DCAF6: variants seen among roughly 807,000 people sequenced by gnomAD.
DCAF6 encodes the protein DDB1 and CUL4 associated factor 6.
DCAF6 carries 54 observed loss-of-function variants against 125.1 expected under a neutral mutation model. The observed-to-expected ratio is 0.43, with a 90% CI of 0.35 to 0.54. DCAF6 has a LOEUF of 0.54. DCAF6 is among the 20% of genes least tolerant of loss of function. The pLI is 0.01. For synonymous variants in DCAF6, 371 were observed against 390.4 expected (o/e 0.95, Z 0.58); for missense variants, 934 against 1,161.7 (o/e 0.80, Z 2.85).
chr1:167,922,056 G>GC, the DCAF6 span, among the ~76,000 whole-genome samples: 1 of 152,112 alleles, frequency 6.6e-6, no homozygotes, highest in Admixed American at 6.5e-5. Flanking sequence ...GCTTGCAGAA[G>GC]CAACTGTTAT....
intron 7 of DCAF6, among the ~76,000 whole-genome samples, chr1:167,994,098 C>T (rs960901041): frequency 2.0e-5 from 3 of 151,562 alleles, no homozygotes; most frequent in South Asian, 2.1e-4. Flanking sequence ...TAATTACTAG[C>T]GTCTATTCTT....
At chr1:167,893,897 C>G in the DCAF6 span, 7 of 1,613,574 alleles carry the variant, frequency 4.3e-6, no homozygotes, top group Non-Finnish European at 5.9e-6. Flanking sequence ...AGGGACATCT[C>G]CAGTTCAGGA....
the DCAF6 span, chr1:167,870,148 T>A: frequency 8.3e-7 from 1 of 1,210,884 alleles, no homozygotes; most frequent in Non-Finnish European, 1.2e-6. Flanking sequence ...CATCCAATAA[T>A]TGTAGGTTAT....
chr1:167,992,390 G>A (rs1680979677), intron 6 of DCAF6, among the ~76,000 whole-genome samples: 1 of 152,100 alleles, frequency 6.6e-6, no homozygotes, highest in Non-Finnish European at 1.5e-5. Context: ...AGATTATTGA[G>A]ATGGGAATAC....
At chr1:167,919,894 C>T in the DCAF6 span, 17 of 839,424 alleles carry the variant, frequency 2.0e-5, no homozygotes, top group African/African-American at 1.0e-4. Flanking sequence ...GGCAACAGAG[C>T]GAGACCCCGT....
intron 12 of DCAF6, chr1:168,023,348 C>T (rs1685904373): frequency 2.2e-6 from 1 of 452,538 alleles, no homozygotes; most frequent in East Asian, 3.5e-5. Context: ...AGGTATCTGT[C>T]ATAAAATTGT....
the DCAF6 span, among the ~76,000 whole-genome samples, chr1:167,892,672 T>C: frequency 1.3e-5 from 2 of 152,184 alleles, no homozygotes; most frequent in African/African-American, 2.4e-5. Flanking sequence ...GTAATGTTTT[T>C]ACAATGGGCT....
chr1:168,072,295 A>G (rs435486), intron 21 of DCAF6, among the ~76,000 whole-genome samples: 267 of 5,070 alleles, frequency 0.053, no homozygotes, highest in Middle Eastern at 0.3. Flanking sequence ...GAATCAGTCT[A>G]AAAAAAAAAA....
At chr1:167,874,526 T>C in the DCAF6 span, among the ~76,000 whole-genome samples, 8 of 152,076 alleles carry the variant, frequency 5.3e-5, no homozygotes, top group African/African-American at 1.7e-4. Context: ...CTTAACATTC[T>C]CAGTCAGAAT....
intron 10 of DCAF6, among the ~76,000 whole-genome samples, chr1:168,013,136 C>A (rs1044437144): frequency 6.6e-6 from 1 of 152,086 alleles, no homozygotes; most frequent in Admixed American, 6.5e-5. Context: ...ATTATGCTGA[C>A]TATAAATAAG....
Position 167,975,023 on chromosome 1 carries a change from A to G in DCAF6, c.438+8A>G, listed in dbSNP as rs1677921466. 2.0e-6 allele frequency: 3 copies of G among 1,533,244 alleles called. No homozygotes were observed. Among genetic ancestry groups the G allele is most frequent in the African/African-American group, 2.8e-5 (2 of 72,346 alleles). The allele number at this position is 1,533,244 out of a possible 1,614,324, so 95.0% of individuals were successfully genotyped here. The stretch of plus-strand genomic sequence containing the variant: ...TATGGAACTACTTATGAGGTATGGT[A>G]TTATTATGATTATATGATATATATG... On this transcript the variant is annotated splice_region_variant and intron_variant, in intron 4 of 21. Transcript: ENST00000367840.
intron 12 of DCAF6, among the ~76,000 whole-genome samples, chr1:168,025,793 A>C (rs925519607): frequency 6.6e-6 from 1 of 152,188 alleles, no homozygotes; most frequent in Non-Finnish European, 1.5e-5. Flanking sequence ...ATGTAAATAT[A>C]ATCATGTGAT....
chr1:167,921,285 C>T, the DCAF6 span, among the ~76,000 whole-genome samples: 15 of 151,290 alleles, frequency 9.9e-5, no homozygotes, highest in East Asian at 1.9e-4. Context: ...AGCAATGGTG[C>T]GATCTAGGCT....
intron 10 of DCAF6, 90 bp downstream of exon 10, chr1:168,004,883 ACTT>A: frequency 1.4e-6 from 2 of 1,381,962 alleles, no homozygotes; most frequent in Non-Finnish European, 2.0e-6. Flanking sequence ...AATCACATCA[ACTT>A]CTTGTTGGAA....
chr1:167,980,633 CT>C (rs963638487), intron 4 of DCAF6, among the ~76,000 whole-genome samples: 71 of 151,620 alleles, frequency 4.7e-4, no homozygotes, highest in Admixed American at 1.6e-3. Flanking sequence ...ATCTCCTTTG[CT>C]TTTTTTTAAT....
At chr1:167,941,266 C>G (rs1672188654) in intron 1 of DCAF6, among the ~76,000 whole-genome samples, 1 of 152,006 alleles carries the variant, frequency 6.6e-6, no homozygotes, top group Non-Finnish European at 1.5e-5. Flanking sequence ...ACTGATAATT[C>G]CTTAAGGCAG....
the DCAF6 span, among the ~76,000 whole-genome samples, chr1:167,869,399 A>G: frequency 0.016 from 2,411 of 152,338 alleles, 25 homozygotes; most frequent in East Asian, 0.042. Context: ...TCCCACTAAT[A>G]AAAAGTGAGA....
In DCAF6 at chr1:168,015,893, G is replaced by T; in HGVS notation, c.1491G>T (p.Gln497His). 2 of 1,542,960 alleles carry T rather than the reference G, an allele frequency of 1.3e-6. No homozygotes were observed. The highest frequency in any genetic ancestry group is 1.7e-6 in the Non-Finnish European group (2 of 1,143,182). ...QQELAAHTQQQPSTSDQSSHE... is the reference protein window; with the variant it reads ...QQELAAHTQQHPSTSDQSSHE... ...AGCTAGCTGCACATACCCAGCAACA[G>T]CCTTCCACTTCTGATCAGTCTTCTC... is the stretch of plus-strand genomic sequence containing the variant. The change falls in exon 11 of 22, where the codon CAG becomes CAT. Residue 497 changes from glutamine (Q) to histidine (H), a missense_variant. Around this residue, in one of 5 missense-constraint regions of DCAF6, gnomAD observed 559 missense variants for 635.5 expected, o/e 0.88. Transcript: ENST00000367840.
intron 1 of DCAF6, among the ~76,000 whole-genome samples, chr1:167,942,636 C>CT (rs1232101633): frequency 2.0e-5 from 3 of 151,232 alleles, no homozygotes; most frequent in African/African-American, 4.9e-5. Context: ...AAGATTTTTA[C>CT]TTTTTTTTTC....
Sources: gnomAD v4.1 joint callset for allele counts (sites outside exome capture counted in the v4.1 genomes callset) on GRCh38, gnomAD v4.1.1 for gene constraint, gnomAD v4.1.1 regional missense constraint, MANE v1.5 for transcripts, NCBI Gene and HGNC (gene_info 2026-07-23, HGNC 2026-07-21) for gene names.